TRARG1: variants seen among roughly 807,000 people sequenced by gnomAD.
The protein encoded by TRARG1 is trafficking regulator of GLUT4 1.
TRARG1 carries 16 observed loss-of-function variants against 13.3 expected under a neutral mutation model. The ratio of observed to expected loss-of-function variants is 1.20; its 90% CI spans 0.81 to 1.83. The LOEUF (loss-of-function observed/expected upper bound fraction) is 1.83, where lower values mean the gene tolerates loss of function less well. Among genes scored for constraint, TRARG1 ranks in the 40% most tolerant of loss-of-function variants. The pLI is 0.00. For synonymous variants in TRARG1, 113 were observed against 106.2 expected (o/e 1.06, Z -0.39); for missense variants, 250 against 237.4 (o/e 1.05, Z -0.35).
intron 2 of TRARG1, 139 bp from the exon 3 acceptor site, chr17:1,298,112 G>A: frequency 1.0e-6 from 1 of 973,956 alleles, no homozygotes; most frequent in Non-Finnish European, 1.5e-6. Flanking sequence ...AACCAAAGAG[G>A]TTCCCAAGCC....
At chr17:1,297,143 T>C (rs2072117889) in intron 2 of TRARG1, among the ~76,000 whole-genome samples, 1 of 152,138 alleles carries the variant, frequency 6.6e-6, no homozygotes, top group African/African-American at 2.4e-5. Context: ...GCTCAAACTG[T>C]GCTCCCTGGA....
At position 1,299,378 on chromosome 17, in the gene TRARG1, G is replaced by A. The variant is rs1373071305; in HGVS notation, c.*1114G>A. On this transcript the variant is annotated 3_prime_UTR_variant, in exon 3 of 3. Transcript: ENST00000333813. ...GGCGTGGGTCAGAGAGTTTTTATGG[G>A]GGTCTGTTGTTTGACCGTCCTGAGA... 1 of 152,232 alleles carries A rather than the reference G, an allele frequency of 6.6e-6. No homozygotes were observed. Among genetic ancestry groups the A allele is most frequent in the Non-Finnish European group, 1.5e-5 (1 of 68,074 alleles). 9.4% of individuals were successfully genotyped at this position (152,232 alleles called of 1,614,324 possible). A position where few individuals can be genotyped will look rare whatever the true frequency, so the allele number is the denominator to read the frequency against.
chr17:1,298,234 G>C lies in TRARG1; in HGVS notation c.521-17G>C. Reference sequence around the variant, plus strand: ...TTCTGAGCCCTGTTCTGCCATATCTGTTTTTTTTCTTTACAGTTCAGAAGA... The same window carrying C: ...TTCTGAGCCCTGTTCTGCCATATCTCTTTTTTTTCTTTACAGTTCAGAAGA... On this transcript the variant is annotated splice_polypyrimidine_tract_variant and intron_variant, in intron 2 of 2. Coordinates refer to ENST00000333813, the MANE Select transcript of TRARG1 (RefSeq NM_172367.3). 6.2e-7 allele frequency: 1 copy of C among 1,613,234 alleles called. No homozygotes were observed.
At chr17:1,283,818 A>AT (rs1485207436) in intron 1 of TRARG1, among the ~76,000 whole-genome samples, 12 of 144,462 alleles carry the variant, frequency 8.3e-5, no homozygotes, top group African/African-American at 2.9e-4. Context: ...CAAAAAAAAT[A>AT]AAATAAAATA....
chr17:1,288,471 C>G (rs1434846244), intron 1 of TRARG1, among the ~76,000 whole-genome samples: 1 of 99,238 alleles, frequency 1.0e-5, no homozygotes, highest in African/African-American at 4.2e-5. Flanking sequence ...TCATCCCCCA[C>G]GGGTTCCCCA....
chr17:1,283,237 T>C (rs965179788), intron 1 of TRARG1, among the ~76,000 whole-genome samples: 1 of 152,096 alleles, frequency 6.6e-6, no homozygotes, highest in Non-Finnish European at 1.5e-5. Flanking sequence ...ATAACCTCAA[T>C]GCCTGCACGA....
chr17:1,281,720 C>T (rs2071973635), intron 1 of TRARG1, among the ~76,000 whole-genome samples: 2 of 152,106 alleles, frequency 1.3e-5, no homozygotes, highest in South Asian at 2.1e-4. Flanking sequence ...CAGGGCCTGC[C>T]TCTTGGTTAC....
In TRARG1 at chr17:1,300,894, C is replaced by G. The variant is rs1191002876; in HGVS notation, c.*2630C>G. On this transcript the variant is annotated 3_prime_UTR_variant, in exon 3 of 3. Coordinates refer to ENST00000333813, the MANE Select transcript of TRARG1 (RefSeq NM_172367.3). The stretch of plus-strand genomic sequence containing the variant: ...TCTCCCTGTGTCCCACAGGGAGTAG[C>G]AAGACCCACCCCACACTGCCTTCAC... The G allele has an allele frequency of 6.6e-6, 1 of 152,112 alleles. No homozygotes were observed. Among genetic ancestry groups the G allele is most frequent in the East Asian group, 1.9e-4 (1 of 5,176 alleles). 9.4% of individuals were successfully genotyped at this position (152,112 alleles called of 1,614,324 possible).
At position 1,298,658 on chromosome 17, in the gene TRARG1, C is replaced by G. The variant is rs1184002366; in HGVS notation, c.*394C>G. On this transcript the variant is annotated 3_prime_UTR_variant, in exon 3 of 3. Coordinates refer to ENST00000333813, the MANE Select transcript of TRARG1 (RefSeq NM_172367.3). ...GCTGGCGGGGAGAGACGCAGCAGAG[C>G]TCCTTCCTGTCTGTGGACTCGGAGC... 1 of 228,786 alleles carries G rather than the reference C, an allele frequency of 4.4e-6. No individual in the cohort carries two copies. The highest frequency in any genetic ancestry group is 2.3e-5 in the African/African-American group (1 of 44,384). 14.2% of individuals were successfully genotyped at this position (228,786 alleles called of 1,614,324 possible).
At chr17:1,282,272 G>GAA in intron 1 of TRARG1, among the ~76,000 whole-genome samples, 1 of 121,012 alleles carries the variant, frequency 8.3e-6, no homozygotes, top group African/African-American at 3.8e-5. Flanking sequence ...GTACATATAT[G>GAA]CACGTATATG....
In TRARG1 at chr17:1,298,405, C is replaced by A. The variant is rs535766382; in HGVS notation, c.*141C>A. The A allele has an allele frequency of 7.2e-6, 6 of 835,998 alleles. No homozygotes were observed. The highest frequency in any genetic ancestry group is 6.9e-5 in the African/African-American group (4 of 58,330). The allele number at this position is 835,998 out of a possible 1,614,324, so 51.8% of individuals were successfully genotyped here. ...CAAAAGCACAGACTCAAAGGGAAAC[C>A]CCCCAGTCACCCACTGTCAGCCCCC... On this transcript the variant is annotated 3_prime_UTR_variant, in exon 3 of 3. Coordinates refer to ENST00000333813, the MANE Select transcript of TRARG1 (RefSeq NM_172367.3).
At chr17:1,297,187 A>G (rs967167765) in intron 2 of TRARG1, among the ~76,000 whole-genome samples, 1 of 152,120 alleles carries the variant, frequency 6.6e-6, no homozygotes, top group African/African-American at 2.4e-5. Context: ...TGTGTCAGAA[A>G]CGCAGAACTC....
intron 1 of TRARG1, among the ~76,000 whole-genome samples, chr17:1,290,904 G>C (rs1361799175): frequency 2.5e-5 from 2 of 81,092 alleles, no homozygotes; most frequent in Admixed American, 3.1e-4. Flanking sequence ...AGATCTGATG[G>C]ATTTTTTTTT....
In TRARG1 at chr17:1,279,985, G is replaced by A. The variant is rs781587048; in HGVS notation, c.-17G>A. 6.3e-6 allele frequency: 10 copies of A among 1,596,428 alleles called. No individual in the cohort carries two copies. Among genetic ancestry groups the A allele is most frequent in the South Asian group, 1.1e-5 (1 of 88,828 alleles). The stretch of plus-strand genomic sequence containing the variant: ...TGTCCCAGCCTGGAGCTGCAGCCGC[G>A]CAAGGCCCAGGCCCCCATGGCCCAC... On this transcript the variant is annotated 5_prime_UTR_variant, in exon 1 of 3. Transcript: ENST00000333813.
At chr17:1,293,303 A>AAAAAG (rs2072086112) in intron 1 of TRARG1, among the ~76,000 whole-genome samples, 2 of 149,222 alleles carry the variant, frequency 1.3e-5, no homozygotes, top group African/African-American at 4.9e-5. Flanking sequence ...AAAAAAAAAA[A>AAAAAG]GATAGTGGTG....
rs546865076 is a variant in TRARG1 at position 1,286,153 on chromosome 17, G to A, written c.387+5765G>A. On this transcript the variant is annotated intron_variant, in intron 1 of 2. Transcript: ENST00000333813. Reference sequence around the variant, plus strand: ...AGGAGAGGCCGTGAGGGCAGAGGCCGATGGAACTGCTCAGAGGGAAGGGGC... The same window carrying A: ...AGGAGAGGCCGTGAGGGCAGAGGCCAATGGAACTGCTCAGAGGGAAGGGGC... Among the ~76,000 whole-genome samples the A allele has an allele frequency of 8.5e-5, 13 of 152,352 alleles. No homozygotes were observed. The South Asian group carries it at 1.2e-3, about 15-fold the overall frequency.
At chr17:1,282,943 G>A (rs1348568614) in intron 1 of TRARG1, among the ~76,000 whole-genome samples, 2 of 152,114 alleles carry the variant, frequency 1.3e-5, no homozygotes, top group African/African-American at 2.4e-5. Flanking sequence ...TCCCACCTCG[G>A]CCGCCCAAAG....
chr17:1,284,833 A>T lies in TRARG1; in HGVS notation c.387+4445A>T, dbSNP rs576298515. Among the ~76,000 whole-genome samples the T allele has an allele frequency of 4.0e-3, 614 of 151,928 alleles. 5 individuals carry two copies. Among genetic ancestry groups the T allele is most frequent in the Non-Finnish European group, 6.0e-3 (411 of 67,962 alleles). On this transcript the variant is annotated intron_variant, in intron 1 of 2. Transcript: ENST00000333813. The stretch of plus-strand genomic sequence containing the variant: ...GTAGCTGGGACTACAGGCGCCCGCC[A>T]CCACACCCTGCTAATTTTTTGTATT...
intron 2 of TRARG1, among the ~76,000 whole-genome samples, chr17:1,296,735 T>TCCTGACTTCAGGTGATCCTCCCG (rs1419370150): frequency 2.0e-5 from 3 of 152,022 alleles, no homozygotes; most frequent in Admixed American, 1.3e-4. Flanking sequence ...GGTCTCAAAC[T>TCCTGACTTCAGGTGATCCTCCCG]CCTGACTTCA....
Sources: allele counts gnomAD v4.1 joint callset (sites outside exome capture counted in the v4.1 genomes callset), GRCh38; gene constraint gnomAD v4.1.1; transcripts MANE v1.5; gene names NCBI Gene and HGNC (gene_info 2026-07-23, HGNC 2026-07-21).